YIPF2: variants seen among roughly 807,000 people sequenced by gnomAD.
YIPF2 encodes protein YIPF2.
Under a neutral mutation model 38.8 loss-of-function variants are expected in YIPF2, and 30 were observed. That is an observed-to-expected ratio of 0.77 (90% CI 0.58 to 1.05). The LOEUF is 1.05. Among genes scored for constraint, YIPF2 ranks in the 50% least tolerant of loss-of-function variants. The pLI is 0.00. For synonymous variants in YIPF2, 194 were observed against 183.8 expected (o/e 1.06, Z -0.45); for missense variants, 401 against 409.7 (o/e 0.98, Z 0.18).
At chr19:10,923,453 C>A (rs201077340) in intron 8 of YIPF2, 42 bp downstream of exon 8, 6 of 1,613,050 alleles carry the variant, frequency 3.7e-6, no homozygotes, top group African/African-American at 1.3e-5. Flanking sequence ...CCCATGCCCC[C>A]CTAGCCCCTC....
intron 5 of YIPF2, 120 bp downstream of exon 5, chr19:10,925,566 C>T: frequency 8.4e-7 from 1 of 1,184,094 alleles, no homozygotes; most frequent in South Asian, 1.4e-5. Context: ...TCTCCCTGAA[C>T]AGCAGGTAAG....
At position 10,928,581 on chromosome 19, in the gene YIPF2, TCACCTGAGGC is replaced by T. The variant is rs2083463742; in HGVS notation, c.-111_-102del. ...CCCCACAGGTGCGCTCCGCCCCCCC[TCACCTGAGGC>T]CACCTGGGCCGGCGTGGCTGGGGCT... On this transcript the variant is annotated 5_prime_UTR_variant, in exon 1 of 10. Transcript: ENST00000586748. 9.8e-7 allele frequency: 1 copy of T among 1,015,308 alleles called. No homozygotes were observed. Among genetic ancestry groups the T allele is most frequent in the South Asian group, 2.0e-5 (1 of 49,402 alleles). 62.9% of individuals were successfully genotyped at this position (1,015,308 alleles called of 1,614,324 possible).
intron 2 of YIPF2, 27 bp from the exon 3 acceptor site, chr19:10,927,986 G>T: frequency 1.3e-6 from 2 of 1,586,168 alleles, no homozygotes; most frequent in Non-Finnish European, 8.6e-7. Context: ...TGGGACACAC[G>T]CACGTTTGAG....
intron 5 of YIPF2, 51 bp downstream of exon 5, chr19:10,925,635 C>A (rs778099601): frequency 6.2e-7 from 1 of 1,607,878 alleles, no homozygotes; most frequent in Admixed American, 1.7e-5. Flanking sequence ...GCAACTCAGG[C>A]CACACTTGTT....
rs1390899629 is a variant in YIPF2, at chr19:10,928,451, A to G, written c.-30-11T>C. ...TCTCCGCATCCCTCGCTGAGGACAG[A>G]GACCGGTCAGGCACACTTCCCCCCC... On this transcript the variant is annotated splice_polypyrimidine_tract_variant and intron_variant, in intron 1 of 9. Transcript: ENST00000586748. 7.4e-7 allele frequency: 1 copy of G among 1,356,204 alleles called. No homozygotes were observed. Among genetic ancestry groups the G allele is most frequent in the Admixed American group, 3.7e-5 (1 of 26,926 alleles). 84.0% of individuals were successfully genotyped at this position (1,356,204 alleles called of 1,614,324 possible). A position where few individuals can be genotyped will look rare whatever the true frequency, so the allele number is the denominator to read the frequency against.
chr19:10,926,223 T>C (rs1038871004), intron 4 of YIPF2, among the ~76,000 whole-genome samples: 3 of 149,088 alleles, frequency 2.0e-5, no homozygotes, highest in African/African-American at 7.4e-5. Flanking sequence ...CTCTTTTTTT[T>C]CCCTCTTTTT....
In YIPF2 at chr19:10,927,955, G is replaced by A. The variant is rs1189755214; in HGVS notation, c.36C>T (p.Phe12=). 6.2e-7 allele frequency: 1 copy of A among 1,604,788 alleles called. No homozygotes were observed. The highest frequency in any genetic ancestry group is 8.5e-7 in the Non-Finnish European group (1 of 1,172,704). The part of the protein sequence containing the change: ...ASADELTFHE[F]EEATNLLADT... The stretch of plus-strand genomic sequence containing the variant: ...CAGCCAGAAGATTAGTGGCCTCCTC[G>A]AATTCTGTGGAGGAGGTATATGGGA... Residue 12 remains phenylalanine (F), a synonymous_variant, in exon 3 of 10, where the codon TTC becomes TTT. Transcript: ENST00000586748.
Position 10,923,884 on chromosome 19 carries a change from C to T in YIPF2, c.600G>A (p.Leu200=), listed in dbSNP as rs1239742547. The T allele has an allele frequency of 6.8e-6, 11 of 1,613,238 alleles. No individual in the cohort carries two copies. The highest frequency in any genetic ancestry group is 9.3e-6 in the Non-Finnish European group (11 of 1,179,686). Reference sequence around the variant, plus strand: ...AGTAGCCGTAGATGCACACAGTCTCCAGGAAGGTGTAGGGCCCCATGCGCT... The same window carrying T: ...AGTAGCCGTAGATGCACACAGTCTCTAGGAAGGTGTAGGGCCCCATGCGCT... ...VQERMGPYTF[L]ETVCIYGYSL... is the part of the protein sequence containing the mutation. Residue 200 remains leucine, a synonymous_variant, in exon 7 of 10, where the codon CTG becomes CTA. Coordinates refer to ENST00000586748, the MANE Select transcript of YIPF2 (RefSeq NM_001321439.2).
Position 10,923,392 on chromosome 19 carries a change from A to G in YIPF2, c.850T>C (p.Ser284Pro). 1.9e-6 allele frequency: 3 copies of G among 1,613,622 alleles called. No individual in the cohort carries two copies. The highest frequency in any genetic ancestry group is 2.5e-6 in the Non-Finnish European group (3 of 1,179,762). The change falls in exon 9 of 10, where the codon TCG (serine) becomes CCG (proline). Residue 284 changes from serine to proline, a missense_variant. Physicochemically the swap from Ser to Pro is moderately conservative, Grantham distance 74. Transcript: ENST00000586748. ...GGAGCCACGTTCTCCGGAGGCAGCGACTGGAAGAAGTACAACTGCACAAGA... is the reference window on the plus strand; with the variant it reads ...GGAGCCACGTTCTCCGGAGGCAGCGGCTGGAAGAAGTACAACTGCACAAGA... ...AMGCKLYFFQ[S>P]LPPENVAPPP...
intron 2 of YIPF2, 59 bp from the exon 3 acceptor site, chr19:10,928,018 G>T: frequency 6.4e-7 from 1 of 1,563,436 alleles, no homozygotes; most frequent in Non-Finnish European, 8.7e-7. Flanking sequence ...ACTCGACTGG[G>T]CCCAAGCTAA....
At chr19:10,928,187 T>C (rs891405183) in intron 2 of YIPF2, among the ~76,000 whole-genome samples, 193 bp downstream of exon 2, 9 of 71,190 alleles carry the variant, frequency 1.3e-4, no homozygotes, top group Non-Finnish European at 2.2e-4. Context: ...GGTCAGGGTC[T>C]GGGGACGAGA....
In YIPF2 at chr19:10,923,815, G is replaced by T. The variant is rs377031399; in HGVS notation, c.651+18C>A. On this transcript the variant is annotated intron_variant, in intron 7 of 9. Coordinates refer to ENST00000586748, the MANE Select transcript of YIPF2 (RefSeq NM_001321439.2). ...TCCCCACACAGCCACCACCCACTCC[G>T]CGCCAGGCCACACTCACCACCATGG... The T allele has an allele frequency of 1.2e-6, 2 of 1,608,720 alleles. No homozygotes were observed. The highest frequency in any genetic ancestry group is 3.4e-5 in the Admixed American group (2 of 59,466).
At position 10,928,531 on chromosome 19, in the gene YIPF2, C is replaced by G. The variant is rs1751031391; in HGVS notation, c.-51G>C. 1 of 1,268,676 alleles carries G rather than the reference C, an allele frequency of 7.9e-7. No individual in the cohort carries two copies. Among genetic ancestry groups the G allele is most frequent in the Non-Finnish European group, 1.0e-6 (1 of 977,750 alleles). 78.6% of individuals were successfully genotyped at this position (1,268,676 alleles called of 1,614,324 possible). On this transcript the variant is annotated 5_prime_UTR_variant, in exon 1 of 10. Transcript: ENST00000586748. ...CCTACCTGGCGACCAACTGCACCCA[C>G]GGAGGCTTGAACTCGTCGTCCCGTC...
rs892010 is a variant in YIPF2 at position 10,928,167 on chromosome 19, G to C, written c.32-208C>G. Among the ~76,000 whole-genome samples, 144,301 of 150,770 alleles carry C rather than the reference G, an allele frequency of 0.96. 69,135 individuals are homozygous for C. The highest frequency in any genetic ancestry group is 1 in the East Asian group (5,031 of 5,032). Reference sequence around the variant, plus strand: ...AGTGGAACTGCAACTTAGGGTTGACGCTGGGATGGGGTCAGGGTCTGGGGA... The same window carrying C: ...AGTGGAACTGCAACTTAGGGTTGACCCTGGGATGGGGTCAGGGTCTGGGGA... On this transcript the variant is annotated intron_variant, in intron 2 of 9. Coordinates refer to ENST00000586748, the MANE Select transcript of YIPF2 (RefSeq NM_001321439.2).
At chr19:10,928,277 C>G in intron 2 of YIPF2, 103 bp downstream of exon 2, 1 of 1,304,926 alleles carries the variant, frequency 7.7e-7, no homozygotes, top group East Asian at 2.9e-5. Context: ...TCAGGGTTCA[C>G]AGCCGCCTAG....
At position 10,928,617 on chromosome 19, in the gene YIPF2, C is replaced by G; in HGVS notation, c.-137G>C. 4.6e-6 allele frequency: 4 copies of G among 866,008 alleles called. No individual in the cohort carries two copies. Among genetic ancestry groups the G allele is most frequent in the Non-Finnish European group, 6.6e-6 (4 of 606,780 alleles). 53.6% of individuals were successfully genotyped at this position (866,008 alleles called of 1,614,324 possible). On this transcript the variant is annotated 5_prime_UTR_variant, in exon 1 of 10. Coordinates refer to ENST00000586748, the MANE Select transcript of YIPF2 (RefSeq NM_001321439.2). ...CACCTGGGCCGGCGTGGCTGGGGCT[C>G]TCTGCGCCTGCGCGTCTCGCCTACC...
chr19:10,923,215 C>G, intron 9 of YIPF2, 41 bp from the exon 10 acceptor site: 1 of 1,434,994 alleles, frequency 7.0e-7, no homozygotes, highest in Non-Finnish European at 9.5e-7. Context: ...CAGAACCTCT[C>G]GCCTTGACTG....
In YIPF2 at chr19:10,923,674, G is replaced by A. The variant is rs143677774; in HGVS notation, c.655C>T (p.Leu219=). ...AGCCAAGGCACAGGGATGAGCCACA[G>A]GACCTGGGAGCAACACGGCGGCAGG... ...SLFVFIPMVV[L]WLIPVPWLQW... is the part of the protein sequence containing the mutation. Residue 219 remains leucine, a synonymous_variant, in exon 8 of 10, where the codon CTG becomes TTG. Coordinates refer to ENST00000586748, the MANE Select transcript of YIPF2 (RefSeq NM_001321439.2). 9.9e-5 allele frequency: 159 copies of A among 1,605,622 alleles called. No homozygotes were observed. The East Asian group carries it at 3.5e-3, about 35-fold the overall frequency.
rs761174731 is a variant in YIPF2 at position 10,923,555 on chromosome 19, C to T, written c.774G>A (p.Val258=). ...WPVVREDTRL[V]ATVLLSVVVL... is the part of the protein sequence containing the mutation. Reference sequence around the variant, plus strand: ...CGACCACGGACAGCAGCACTGTGGCCACCAGCCTGGTGTCCTCACGGACCA... The same window carrying T: ...CGACCACGGACAGCAGCACTGTGGCTACCAGCCTGGTGTCCTCACGGACCA... Residue 258 remains valine, a synonymous_variant, in exon 8 of 10, where the codon GTG becomes GTA. Transcript: ENST00000586748. 1 of 1,612,658 alleles carries T rather than the reference C, an allele frequency of 6.2e-7. No individual in the cohort carries two copies. Among genetic ancestry groups the T allele is most frequent in the Non-Finnish European group, 8.5e-7 (1 of 1,179,790 alleles).
Sources: allele counts gnomAD v4.1 joint callset (sites outside exome capture counted in the v4.1 genomes callset), GRCh38; gene constraint gnomAD v4.1.1; transcripts MANE v1.5; gene names NCBI Gene and HGNC (gene_info 2026-07-23, HGNC 2026-07-21).